CA3: variants seen among roughly 807,000 people sequenced by gnomAD.
CA3 encodes the protein carbonic anhydrase 3.
CA3 carries 30 observed loss-of-function variants against 35.7 expected under a neutral mutation model. The observed-to-expected ratio is 0.84, with a 90% CI of 0.63 to 1.14. The LOEUF is 1.14. Among genes scored for constraint, CA3 ranks in the 50% most tolerant of loss-of-function variants. The pLI is 0.00. For missense variants in CA3, 295 were observed against 328.5 expected (o/e 0.90, Z 0.79); for synonymous variants, 131 against 130.8 (o/e 1.00, Z -0.01).
At chr8:85,447,989 G>A (rs1436565849) in intron 6 of CA3, 45 bp from the exon 7 acceptor site, 1 of 1,584,258 alleles carries the variant, frequency 6.3e-7, no homozygotes, top group Non-Finnish European at 8.6e-7. Flanking sequence ...AGTGTGTCCA[G>A]TTGATCCGAA....
rs1811320431 is a variant in CA3, at chr8:85,448,211, C to T, written c.*58C>T. On this transcript the variant is annotated 3_prime_UTR_variant, in exon 7 of 7. Coordinates refer to ENST00000285381, the MANE Select transcript of CA3 (RefSeq NM_005181.4). ...AACCTACCATTGGAGAGCTTGGTTC[C>T]TTGCCTCCTTCTGGTGCTCCTTACT... The T allele has an allele frequency of 2.0e-6, 3 of 1,516,424 alleles. No individual in the cohort carries two copies. In the East Asian group the frequency reaches 7.0e-5, roughly 36 times the overall value. 93.9% of individuals were successfully genotyped at this position (1,516,424 alleles called of 1,614,324 possible). A position where few individuals can be genotyped will look rare whatever the true frequency, so the allele number is the denominator to read the frequency against.
rs1811324596 is a variant in CA3 at position 85,448,480 on chromosome 8, A to C, written c.*327A>C. 1 of 169,114 alleles carries C rather than the reference A, an allele frequency of 5.9e-6. No homozygotes were observed. Among genetic ancestry groups the C allele is most frequent in the African/African-American group, 2.4e-5 (1 of 42,118 alleles). The allele number at this position is 169,114 out of a possible 1,614,324, so 10.5% of individuals were successfully genotyped here. On this transcript the variant is annotated 3_prime_UTR_variant, in exon 7 of 7. Coordinates refer to ENST00000285381, the MANE Select transcript of CA3 (RefSeq NM_005181.4). Reference sequence around the variant, plus strand: ...TTAAAATGGCTAGCTATTGGGCACCAGTTTTTCTGTTATCTAAAATTTCAC... The same window carrying C: ...TTAAAATGGCTAGCTATTGGGCACCCGTTTTTCTGTTATCTAAAATTTCAC...
chr8:85,445,889 C>T (rs1174014873), intron 5 of CA3, among the ~76,000 whole-genome samples: 1 of 152,114 alleles, frequency 6.6e-6, no homozygotes, highest in Non-Finnish European at 1.5e-5. Flanking sequence ...ATAGAATTAT[C>T]ACAGATAGTT....
At chr8:85,440,543 A>G (rs1312205755) in intron 2 of CA3, among the ~76,000 whole-genome samples, 4 of 152,220 alleles carry the variant, frequency 2.6e-5, no homozygotes, top group African/African-American at 4.8e-5. Flanking sequence ...CATGTTTAGA[A>G]AAAACAAATC....
chr8:85,441,375 G>T (rs954012142), intron 2 of CA3, among the ~76,000 whole-genome samples: 1 of 152,114 alleles, frequency 6.6e-6, no homozygotes, highest in Non-Finnish European at 1.5e-5. Flanking sequence ...ACATTGATTG[G>T]TTTTCTGGGA....
In CA3 at chr8:85,448,286, G is replaced by A. The variant is rs1236583620; in HGVS notation, c.*133G>A. The A allele has an allele frequency of 4.7e-6, 4 of 851,140 alleles. No homozygotes were observed. In the South Asian group the frequency reaches 8.7e-5, roughly 18 times the overall value. 52.7% of individuals were successfully genotyped at this position (851,140 alleles called of 1,614,324 possible). A position where few individuals can be genotyped will look rare whatever the true frequency, so the allele number is the denominator to read the frequency against. ...CTGAGCAATGAATGTGAGAGATGTG[G>A]TCACCAAGATCTAAGTTACTTGTTG... On this transcript the variant is annotated 3_prime_UTR_variant, in exon 7 of 7. Transcript: ENST00000285381.
intron 1 of CA3, 87 bp from the exon 2 acceptor site, chr8:85,439,623 CCT>C: frequency 2.3e-6 from 2 of 855,414 alleles, no homozygotes; most frequent in South Asian, 3.2e-5. Context: ...CACTGTCTAG[CCT>C]CTCTGTATTT....
chr8:85,439,085 A>T, intron 1 of CA3, 142 bp downstream of exon 1: 1 of 813,164 alleles, frequency 1.2e-6, no homozygotes, highest in Non-Finnish European at 2.0e-6. Flanking sequence ...GAGGCTTTTC[A>T]ACTGCCAAAT....
rs1417712760 is a variant in CA3, at chr8:85,442,128, C to G, written c.288C>G (p.His96Gln). Residue 96 changes from histidine to glutamine, a missense_variant, in exon 3 of 7, where the codon CAC becomes CAG. Transcript: ENST00000285381. ...GPYRLRQFHL[H>Q]WGSSDDHGSE... ...ACCGACTTCGCCAGTTTCATCTTCACTGGGGCTCTTCGGATGATCATGGCT... is the reference window on the plus strand; with the variant it reads ...ACCGACTTCGCCAGTTTCATCTTCAGTGGGGCTCTTCGGATGATCATGGCT... The G allele has an allele frequency of 6.2e-7, 1 of 1,612,062 alleles. No individual in the cohort carries two copies. The highest frequency in any genetic ancestry group is 8.5e-7 in the Non-Finnish European group (1 of 1,178,082).
intron 3 of CA3, 46 bp from the exon 4 acceptor site, chr8:85,443,988 C>T: frequency 1.6e-6 from 2 of 1,259,292 alleles, no homozygotes; most frequent in Non-Finnish European, 1.2e-6. Context: ...GTACTTATTT[C>T]CATATTCCAG....
rs1199044800 is a variant in CA3, at chr8:85,445,156, A to C, written c.445A>C (p.Ile149Leu). The change falls in exon 5 of 7, where the codon ATA becomes CTA. Residue 149 changes from isoleucine to leucine, a missense_variant and splice_region_variant. Ile to Leu is a conservative substitution (Grantham distance 5). Transcript: ENST00000285381. ...GIAVIGIFLK[I>L]GHENGEFQIF... ...TACTTGGATTTCTGTTTTCTTACAG[A>C]TAGGACATGAGAATGGCGAGTTCCA... is the stretch of plus-strand genomic sequence containing the variant. 2 of 1,596,672 alleles carry C rather than the reference A, an allele frequency of 1.3e-6. No individual in the cohort carries two copies. The highest frequency in any genetic ancestry group is 1.7e-6 in the Non-Finnish European group (2 of 1,167,812).
In CA3 at chr8:85,446,241, G is replaced by A. The variant is rs868372450; in HGVS notation, c.607G>A (p.Glu203Lys). The change falls in exon 6 of 7, where the codon GAG becomes AAG. Residue 203 changes from glutamate (E) to lysine (K), a missense_variant. Physicochemically the swap from Glu to Lys is moderately conservative, Grantham distance 56 (BLOSUM62 1). Transcript: ENST00000285381. Reference sequence around the variant, plus strand: ...GGGCTCATTCACCACGCCGCCCTGCGAGGAATGCATTGTGTGGCTGCTGCT... The same window carrying A: ...GGGCTCATTCACCACGCCGCCCTGCAAGGAATGCATTGTGTGGCTGCTGCT... ...YQGSFTTPPCEECIVWLLLKE... is the reference protein window; with the variant it reads ...YQGSFTTPPCKECIVWLLLKE... 6 of 1,614,192 alleles carry A rather than the reference G, an allele frequency of 3.7e-6. No homozygotes were observed. The highest frequency in any genetic ancestry group is 1.1e-5 in the South Asian group (1 of 91,092).
In CA3 at chr8:85,438,960, G is replaced by A. The variant is rs1286993926; in HGVS notation, c.34+17G>A. 3 of 1,550,804 alleles carry A rather than the reference G, an allele frequency of 1.9e-6. No homozygotes were observed. In the African/African-American group the frequency reaches 4.1e-5, roughly 21 times the overall value. ...GTCACAACGGTGAGTGCAGGCAGCC[G>A]CGACCCGGCCAGGAAGGGATGCCAG... On this transcript the variant is annotated intron_variant, in intron 1 of 6. Transcript: ENST00000285381.
At chr8:85,441,519 C>T (rs1440071693) in intron 2 of CA3, among the ~76,000 whole-genome samples, 1 of 152,220 alleles carries the variant, frequency 6.6e-6, no homozygotes, top group African/African-American at 2.4e-5. Flanking sequence ...CACATCTGCT[C>T]AGTGATCATC....
rs1394895550 is a variant in CA3 at position 85,448,207 on chromosome 8, G to C, written c.*54G>C. Reference sequence around the variant, plus strand: ...AGGAAACCTACCATTGGAGAGCTTGGTTCCTTGCCTCCTTCTGGTGCTCCT... The same window carrying C: ...AGGAAACCTACCATTGGAGAGCTTGCTTCCTTGCCTCCTTCTGGTGCTCCT... On this transcript the variant is annotated 3_prime_UTR_variant, in exon 7 of 7. Transcript: ENST00000285381. 1.9e-6 allele frequency: 3 copies of C among 1,544,674 alleles called. No individual in the cohort carries two copies. The highest frequency in any genetic ancestry group is 2.6e-6 in the Non-Finnish European group (3 of 1,145,674).
chr8:85,439,179 G>A (rs1241932084), intron 1 of CA3, among the ~76,000 whole-genome samples: 1 of 152,194 alleles, frequency 6.6e-6, no homozygotes, highest in Non-Finnish European at 1.5e-5. Context: ...CTGAAGTGCA[G>A]AGAAGTTGGA....
In CA3 at chr8:85,442,670, G is replaced by A. The variant is rs571419997; in HGVS notation, c.351+479G>A. 1.4e-4 allele frequency among the ~76,000 whole-genome samples: 21 copies of A among 152,180 alleles called. No individual in the cohort carries two copies. In the South Asian group the frequency reaches 3.5e-3, roughly 26 times the overall value. ...CGAGGCTGCAGTGAGCTGTGATTGC[G>A]CCACTTCACTCCAGCCTGAGCAACA... On this transcript the variant is annotated intron_variant, in intron 3 of 6. Coordinates refer to ENST00000285381, the MANE Select transcript of CA3 (RefSeq NM_005181.4).
chr8:85,442,366 A>G (rs1278406781), intron 3 of CA3, 175 bp downstream of exon 3: 1 of 583,948 alleles, frequency 1.7e-6, no homozygotes, highest in Admixed American at 2.8e-5. Flanking sequence ...TAGGCTAGAC[A>G]GGTAAAAGGG....
chr8:85,445,081 C>G (rs1811264312), intron 4 of CA3, 75 bp from the exon 5 acceptor site: 4 of 954,036 alleles, frequency 4.2e-6, no homozygotes. Flanking sequence ...ATGGATGGAT[C>G]AAAATCAGCT....
Sources: allele counts gnomAD v4.1 joint callset (sites outside exome capture counted in the v4.1 genomes callset), GRCh38; gene constraint gnomAD v4.1.1; transcripts MANE v1.5; gene names NCBI Gene and HGNC (gene_info 2026-07-23, HGNC 2026-07-21).